ZIC4: variants seen among roughly 807,000 people sequenced by gnomAD.
The protein encoded by ZIC4 is Zic family zinc finger 4, also known as zinc finger protein ZIC 4.
ZIC4 carries 15 observed loss-of-function variants against 28.8 expected under a neutral mutation model. The ratio of observed to expected loss-of-function variants is 0.52; its 90% CI spans 0.35 to 0.80. The LOEUF is 0.80. ZIC4 is among the 30% of genes least tolerant of loss of function. The pLI is 0.01. For synonymous variants in ZIC4, 220 were observed against 198.1 expected, an observed-to-expected ratio of 1.11 and a Z score of -0.93; for missense variants, 512 against 467.1, an observed-to-expected ratio of 1.10 and a Z score of -0.89.
In ZIC4 at chr3:147,391,120, T is replaced by C. The variant is rs377286137; in HGVS notation, c.815A>G (p.Asp272Gly). 3.1e-6 allele frequency: 5 copies of C among 1,614,150 alleles called. No individual in the cohort carries two copies. The highest frequency in any genetic ancestry group is 1.7e-5 in the Admixed American group (1 of 60,026). The change falls in exon 4 of 5, where the codon GAC (aspartate) becomes GGC (glycine). Residue 272 changes from aspartate to glycine, a missense_variant. Coordinates refer to ENST00000383075, the MANE Select transcript of ZIC4 (RefSeq NM_032153.6). ...CGAGCTGGGGTGCGTGTAGCACTTG[T>C]CGCAGCCCCGCACCTTGCACGTGTA... is the stretch of plus-strand genomic sequence containing the variant. Reference protein sequence around the residue: ...KPYTCKVRGCDKCYTHPSSLR... With the variant: ...KPYTCKVRGCGKCYTHPSSLR...
chr3:147,391,406 G>C, intron 3 of ZIC4, 160 bp from the exon 4 acceptor site: 1 of 921,394 alleles, frequency 1.1e-6, no homozygotes, highest in Non-Finnish European at 1.6e-6. Flanking sequence ...CCTTTCCCTC[G>C]TGCAGAGAGC....
chr3:147,402,861 G>A (rs370229520), intron 1 of ZIC4, 49 bp from the exon 2 acceptor site: 181 of 1,484,718 alleles, frequency 1.2e-4, no homozygotes, highest in Middle Eastern at 5.2e-4. Flanking sequence ...AATTTTACAC[G>A]TCTGTGTGGC....
chr3:147,398,561 C>T (rs1006754502), intron 2 of ZIC4, among the ~76,000 whole-genome samples: 9 of 152,112 alleles, frequency 5.9e-5, no homozygotes, highest in South Asian at 2.1e-4. Flanking sequence ...CTGAGCCGAC[C>T]GGCTAAGGTC....
At chr3:147,397,348 C>T (rs2087071659) in intron 2 of ZIC4, among the ~76,000 whole-genome samples, 4 of 152,062 alleles carry the variant, frequency 2.6e-5, no homozygotes, top group Admixed American at 2.6e-4. Context: ...CTCTCTCACA[C>T]TTCCCTGCTC....
At chr3:147,392,518 GGAA>G (rs1011314987) in intron 3 of ZIC4, 3 of 885,478 alleles carry the variant, frequency 3.4e-6, no homozygotes, top group Non-Finnish European at 4.1e-6. Context: ...CGGAAATGGG[GGAA>G]GAAGGTTTCT....
intron 4 of ZIC4, 51 bp from the exon 5 acceptor site, chr3:147,388,910 T>C: frequency 1.3e-6 from 1 of 777,106 alleles, no homozygotes; most frequent in South Asian, 1.4e-5. Context: ...GACCAAACAT[T>C]TTGTTTTATT....
chr3:147,389,187 G>T (rs1408316951), intron 4 of ZIC4: 4 of 398,858 alleles, frequency 1.0e-5, no homozygotes, highest in Middle Eastern at 6.6e-4. Context: ...TCTCAAGGAC[G>T]GATTCACTAA....
intron 1 of ZIC4, chr3:147,405,276 C>T: frequency 8.2e-7 from 1 of 1,213,316 alleles, no homozygotes; most frequent in Non-Finnish European, 1.1e-6. Flanking sequence ...ACCCCTCCCC[C>T]AACCTGCAGG....
At chr3:147,390,222 T>C (rs558319616) in intron 4 of ZIC4, among the ~76,000 whole-genome samples, 37 of 145,024 alleles carry the variant, frequency 2.6e-4, no homozygotes, top group Non-Finnish European at 2.1e-4. Context: ...CCTTACCTCC[T>C]TTATAGAGGA....
At chr3:147,404,196 G>T (rs750151213) in intron 1 of ZIC4, 1 of 1,480,128 alleles carries the variant, frequency 6.8e-7, no homozygotes, top group Non-Finnish European at 8.9e-7. Context: ...TTTTGCTTCT[G>T]GGGGAAATGG....
rs1336719236 is a variant in ZIC4 at position 147,390,731 on chromosome 3, G to GCCTT, written c.1004+196_1004+199dup. 2.0e-5 allele frequency among the ~76,000 whole-genome samples: 3 copies of GCCTT among 152,176 alleles called. No homozygotes were observed. In the East Asian group the frequency reaches 5.8e-4, roughly 29 times the overall value. ...AGCAACTATTACAGGTGGCCGGCCGGCCTTCCTTCCTTCCGCCCTCGCCCT... is the reference window on the plus strand; with the variant it reads ...AGCAACTATTACAGGTGGCCGGCCGGCCTTCCTTCCTTCCTTCCGCCCTCGCCCT... On this transcript the variant is annotated intron_variant, in intron 4 of 4. Transcript: ENST00000383075.
chr3:147,392,237 G>C, intron 3 of ZIC4: 1 of 985,768 alleles, frequency 1.0e-6, no homozygotes, highest in Non-Finnish European at 1.2e-6. Context: ...TGCGGCTTCG[G>C]GAAGAAAACA....
At position 147,396,125 on chromosome 3, in the gene ZIC4, C is replaced by A. The variant is rs754909718; in HGVS notation, c.415G>T (p.Ala139Ser). ...ICKWLAADGTATPSLCSKTFS... is the reference protein window; with the variant it reads ...ICKWLAADGTSTPSLCSKTFS... The stretch of plus-strand genomic sequence containing the variant: ...GTTTTGGAGCAGAGGCTCGGGGTCG[C>A]GGTGCCGTCGGCCGCCAGCCACTTG... The change falls in exon 3 of 5, where the codon GCG (alanine) becomes TCG (serine). Residue 139 changes from alanine to serine, a missense_variant. Ala to Ser is a moderately conservative substitution (Grantham distance 99). Coordinates refer to ENST00000383075, the MANE Select transcript of ZIC4 (RefSeq NM_032153.6). This position sits in a 1 kb window ranked among gnomAD's most constrained non-coding sequence, Gnocchi z 4.2. 6.2e-7 allele frequency: 1 copy of A among 1,613,658 alleles called. No individual in the cohort carries two copies. The highest frequency in any genetic ancestry group is 1.7e-5 in the Admixed American group (1 of 60,028).
At chr3:147,403,471 G>C (rs564783944) in intron 1 of ZIC4, 1 of 153,206 alleles carries the variant, frequency 6.5e-6, no homozygotes, top group South Asian at 2.1e-4. Flanking sequence ...ACATTTCATA[G>C]TTGAGAAGGG....
rs2086844019 is a variant in ZIC4 at position 147,388,708 on chromosome 3, G to A, written c.*151C>T. 2 of 653,824 alleles carry A rather than the reference G, an allele frequency of 3.1e-6. No homozygotes were observed. Among genetic ancestry groups the A allele is most frequent in the African/African-American group, 1.8e-5 (1 of 55,248 alleles). 40.5% of individuals were successfully genotyped at this position (653,824 alleles called of 1,614,324 possible). A position where few individuals can be genotyped will look rare whatever the true frequency, so the allele number is the denominator to read the frequency against. On this transcript the variant is annotated 3_prime_UTR_variant, in exon 5 of 5. Coordinates refer to ENST00000383075, the MANE Select transcript of ZIC4 (RefSeq NM_032153.6). Reference sequence around the variant, plus strand: ...GCCTTTCAGGATTTCAGTGCGACTTGCACATTGCCATAGAAATCCTAACTT... The same window carrying A: ...GCCTTTCAGGATTTCAGTGCGACTTACACATTGCCATAGAAATCCTAACTT...
chr3:147,404,634 G>A (rs2087236820), intron 1 of ZIC4, among the ~76,000 whole-genome samples: 1 of 152,178 alleles, frequency 6.6e-6, no homozygotes, highest in South Asian at 2.1e-4. Context: ...CCAGTCCATA[G>A]CACATCCTGG....
chr3:147,397,770 C>T (rs1377879410), intron 2 of ZIC4, among the ~76,000 whole-genome samples: 5 of 152,180 alleles, frequency 3.3e-5, no homozygotes, highest in Non-Finnish European at 1.5e-5. Context: ...CCTAGGCTAG[C>T]AGCCGTTGAG....
intron 2 of ZIC4, among the ~76,000 whole-genome samples, chr3:147,398,296 C>G (rs1456711399): frequency 1.3e-5 from 2 of 152,142 alleles, no homozygotes; most frequent in Non-Finnish European, 2.9e-5. Context: ...GCCTGCGGTC[C>G]AAGCCTTCTC....
At position 147,395,991 on chromosome 3, in the gene ZIC4, C is replaced by T. The variant is rs1162988956; in HGVS notation, c.549G>A (p.Lys183=). 1 of 1,614,256 alleles carries T rather than the reference C, an allele frequency of 6.2e-7. No individual in the cohort carries two copies. Among genetic ancestry groups the T allele is most frequent in the African/African-American group, 1.3e-5 (1 of 75,072 alleles). ...CFWEECPRQG[K]PFKAKYKLVN... Reference sequence around the variant, plus strand: ...CAAGTTTGTATTTGGCTTTGAAGGGCTTTCCCTGGCGCGGACACTCCTCCC... The same window carrying T: ...CAAGTTTGTATTTGGCTTTGAAGGGTTTTCCCTGGCGCGGACACTCCTCCC... Residue 183 remains lysine, a synonymous_variant, in exon 3 of 5, where the codon AAG becomes AAA. Coordinates refer to ENST00000383075, the MANE Select transcript of ZIC4 (RefSeq NM_032153.6).
Sources: gnomAD v4.1 joint callset for allele counts (sites outside exome capture counted in the v4.1 genomes callset) on GRCh38, gnomAD v4.1.1 for gene constraint, Gnocchi (gnomAD v3.1) non-coding constraint, MANE v1.5 for transcripts, NCBI Gene and HGNC (gene_info 2026-07-23, HGNC 2026-07-21) for gene names.